PODN: variants seen among roughly 807,000 people sequenced by gnomAD.
The protein encoded by PODN is podocan.
Under a neutral mutation model 52.7 loss-of-function variants are expected in PODN, and 40 were observed. The ratio of observed to expected loss-of-function variants is 0.76; its 90% confidence interval spans 0.59 to 0.99. PODN has a LOEUF of 0.99. PODN is among the 50% of genes least tolerant of loss of function. PODN has a pLI of 0.00. For synonymous variants in PODN, 396 were observed against 377.9 expected (o/e 1.05, Z -0.56); for missense variants, 720 against 815.1 (o/e 0.88, Z 1.42).
intron 1 of PODN, chr1:53,063,581 G>C: frequency 1.0e-6 from 1 of 985,550 alleles, no homozygotes; most frequent in Non-Finnish European, 1.2e-6. Flanking sequence ...AGAAGAGCCC[G>C]TGGACTGCCC....
chr1:53,071,267 T>C (rs186506363), intron 2 of PODN: 266 of 349,760 alleles, frequency 7.6e-4, no homozygotes, highest in South Asian at 6.3e-3. Flanking sequence ...AGATAGCATG[T>C]CGAGTTTGAA....
chr1:53,075,298 A>T lies in PODN; in HGVS notation c.472-564A>T, dbSNP rs114471984. 3.6e-3 allele frequency among the ~76,000 whole-genome samples: 548 copies of T among 152,266 alleles called. 3 individuals carry two copies. Among genetic ancestry groups the T allele is most frequent in the African/African-American group, 0.013 (529 of 41,550 alleles). ...GGAAGGAAGCTACAGCTTCCCGCCC[A>T]CAGCACCCAGACCCAGTCCTCCTCT... On this transcript the variant is annotated intron_variant, in intron 4 of 10. Coordinates refer to ENST00000312553, the MANE Select transcript of PODN (RefSeq NM_153703.5).
intron 1 of PODN, chr1:53,063,451 T>A: frequency 2.0e-6 from 2 of 985,564 alleles, no homozygotes; most frequent in Non-Finnish European, 2.4e-6. Context: ...TCCCGTCCCC[T>A]ATCCCTCCTT....
intron 5 of PODN, 52 bp from the exon 6 acceptor site, chr1:53,077,138 G>A: frequency 6.3e-7 from 1 of 1,593,018 alleles, no homozygotes; most frequent in South Asian, 1.1e-5. Context: ...AGTTGAGCTG[G>A]CGCAGGGCCT....
At chr1:53,081,947 G>A in intron 9 of PODN, 34 bp from the exon 10 acceptor site, 2 of 1,562,524 alleles carry the variant, frequency 1.3e-6, no homozygotes, top group Non-Finnish European at 1.7e-6. Context: ...TGGGGGTTGG[G>A]CTCCTGGCAT....
chr1:53,081,794 G>T (rs898922990), intron 9 of PODN, among the ~76,000 whole-genome samples, 187 bp from the exon 10 acceptor site: 50 of 152,210 alleles, frequency 3.3e-4, no homozygotes, highest in Non-Finnish European at 6.3e-4. Context: ...ACAAGCTGCA[G>T]CTGCCCTGAC....
At chr1:53,062,366 G>A in intron 1 of PODN, 58 bp downstream of exon 1, 1 of 1,156,968 alleles carries the variant, frequency 8.6e-7, no homozygotes. Flanking sequence ...CCCGGGCAGC[G>A]CACTCAGACG....
chr1:53,076,041 T>A, intron 5 of PODN, 70 bp downstream of exon 5: 2 of 1,297,964 alleles, frequency 1.5e-6, no homozygotes, highest in South Asian at 2.5e-5. Flanking sequence ...GCTGCCATCC[T>A]GTGTGAGGCA....
Position 53,074,636 on chromosome 1 carries a change from C to A in PODN, c.437C>A (p.Thr146Asn). Residue 146 changes from threonine to asparagine, a missense_variant, in exon 4 of 11, where the codon ACC (threonine) becomes AAC (asparagine). Thr to Asn is a moderately conservative substitution (Grantham distance 65). Transcript: ENST00000312553. ...GLPEKAFEHL[T>N]NLNYLYLANN... ...CCAGAGAAGGCGTTTGAGCATCTGA[C>A]CAACCTCAATTACCTGTACTTGGCC... 1 of 1,614,062 alleles carries A rather than the reference C, an allele frequency of 6.2e-7. No individual in the cohort carries two copies. Among genetic ancestry groups the A allele is most frequent in the Non-Finnish European group, 8.5e-7 (1 of 1,180,020 alleles).
rs1643975888 is a variant in PODN at position 53,062,720 on chromosome 1, C to T, written c.-56+412C>T. Among the ~76,000 whole-genome samples the T allele has an allele frequency of 3.9e-5, 6 of 152,336 alleles. No individual in the cohort carries two copies. The South Asian group carries it at 1.0e-3, about 26-fold the overall frequency. The stretch of plus-strand genomic sequence containing the variant: ...AGAGCCTGGGCCCGAAGTATCCCCG[C>T]GTCTTTCCACGTCAACTCATCAGGC... On this transcript the variant is annotated intron_variant, in intron 1 of 10. Transcript: ENST00000312553.
intron 7 of PODN, 103 bp downstream of exon 7, chr1:53,077,903 G>A (rs1644220932): frequency 1.2e-6 from 1 of 853,460 alleles, no homozygotes; most frequent in Non-Finnish European, 1.8e-6. Context: ...CACGTCCCCT[G>A]CCCACCTTCC....
intron 4 of PODN, 111 bp from the exon 5 acceptor site, chr1:53,075,751 C>T (rs1267201094): frequency 1.8e-5 from 14 of 795,968 alleles, no homozygotes; most frequent in Non-Finnish European, 2.9e-5. Context: ...GAAAGATGGC[C>T]TGGTTGCAGG....
rs1644348475 is a variant in PODN at position 53,085,395 on chromosome 1, G to A, written c.*910G>A. 6.6e-6 allele frequency: 1 copy of A among 152,208 alleles called. No individual in the cohort carries two copies. Among genetic ancestry groups the A allele is most frequent in the Non-Finnish European group, 1.5e-5 (1 of 68,034 alleles). 9.4% of individuals were successfully genotyped at this position (152,208 alleles called of 1,614,324 possible). A position where few individuals can be genotyped will look rare whatever the true frequency, so the allele number is the denominator to read the frequency against. On this transcript the variant is annotated 3_prime_UTR_variant, in exon 11 of 11. Transcript: ENST00000312553. ...TTCAGGCCTGTGGGGGAAGTTCCGG[G>A]TGCCTTTATTTTTTATTCTTTTCTA...
chr1:53,065,637 C>T (rs550047060), intron 1 of PODN, among the ~76,000 whole-genome samples: 55 of 152,344 alleles, frequency 3.6e-4, no homozygotes, highest in African/African-American at 1.3e-3. Flanking sequence ...CTGCCTGTGT[C>T]ACGCTCCTGC....
In PODN at chr1:53,082,152, A is replaced by G; in HGVS notation, c.1833A>G (p.Glu611=). Reference sequence around the variant, plus strand: ...AAGAGGAGGAGGAGGAGGAAGAGGAAACAAGATAGTGACAAGGTGATGCAG... The same window carrying G: ...AAGAGGAGGAGGAGGAGGAAGAGGAGACAAGATAGTGACAAGGTGATGCAG... The part of the protein sequence containing the change: ...EEEEEEEEEE[E]TR Residue 611 remains glutamate, a synonymous_variant, in exon 10 of 11, where the codon GAA becomes GAG. Transcript: ENST00000312553. The G allele has an allele frequency of 6.2e-7, 1 of 1,606,300 alleles. No individual in the cohort carries two copies. The highest frequency in any genetic ancestry group is 8.5e-7 in the Non-Finnish European group (1 of 1,176,578).
chr1:53,077,147 C>T (rs1644205581), intron 5 of PODN, 43 bp from the exon 6 acceptor site: 3 of 1,603,182 alleles, frequency 1.9e-6, no homozygotes, highest in Non-Finnish European at 1.7e-6. Context: ...GGCGCAGGGC[C>T]TGGGGAGCCC....
intron 7 of PODN, 133 bp from the exon 8 acceptor site, chr1:53,078,232 G>A: frequency 1.1e-6 from 1 of 895,410 alleles, no homozygotes; most frequent in Non-Finnish European, 1.7e-6. Context: ...CAAGGACTGA[G>A]GGCCCACAGT....
In PODN at chr1:53,069,970, A is replaced by G; in HGVS notation, c.115A>G (p.Ser39Gly). 1.2e-6 allele frequency: 2 copies of G among 1,607,054 alleles called. No homozygotes were observed. Among genetic ancestry groups the G allele is most frequent in the African/African-American group, 1.3e-5 (1 of 74,978 alleles). ...TGGCCGAAGTGGCGGCCACAGCCTG[A>G]GCCCCGAAGAGAACGAATTTGCGGA... ...GFGRSGGHSLSPEENEFAEEE... is the reference protein window; with the variant it reads ...GFGRSGGHSLGPEENEFAEEE... The change falls in exon 2 of 11, where the codon AGC (serine) becomes GGC (glycine). Residue 39 changes from serine to glycine, a missense_variant. By Grantham distance (56) the Ser-to-Gly change is moderately conservative. Coordinates refer to ENST00000312553, the MANE Select transcript of PODN (RefSeq NM_153703.5).
At chr1:53,074,799 GCCCTGGGTC>G in intron 4 of PODN, 129 bp downstream of exon 4, 1 of 603,912 alleles carries the variant, frequency 1.7e-6, no homozygotes. Flanking sequence ...CTCAGACATG[GCCCTGGGTC>G]GGGGGTGGGG....
Sources: allele counts gnomAD v4.1 joint callset (sites outside exome capture counted in the v4.1 genomes callset), GRCh38; gene constraint gnomAD v4.1.1; transcripts MANE v1.5; gene names NCBI Gene and HGNC (gene_info 2026-07-23, HGNC 2026-07-21).